Variants in COLEC12 observed in about 807,000 individuals in gnomAD.
The protein encoded by COLEC12 is collectin-12.
Under a neutral mutation model 71.1 loss-of-function variants are expected in COLEC12, and 33 were observed. That is an observed-to-expected ratio of 0.46 (90% CI 0.35 to 0.62). The LOEUF (loss-of-function observed/expected upper bound fraction) is 0.62, where lower values mean the gene tolerates loss of function less well. Ranked by LOEUF, COLEC12 falls within the 20% of genes least tolerant of loss-of-function variation. The pLI, the probability that COLEC12 is intolerant of heterozygous loss-of-function variation, is 0.00. For synonymous variants in COLEC12, 350 were observed against 353.0 expected (o/e 0.99, Z 0.10); for missense variants, 765 against 916.1 (o/e 0.84, Z 2.13).
At chr18:465,812 C>A (rs935771430) in intron 2 of COLEC12, among the ~76,000 whole-genome samples, 19 of 152,316 alleles carry the variant, frequency 1.2e-4, no homozygotes, top group South Asian at 8.3e-4. Flanking sequence ...GTGGCTCACA[C>A]CTGTAATCCC....
At chr18:379,579 T>C (rs1043607265) in intron 2 of COLEC12, among the ~76,000 whole-genome samples, 9 of 152,014 alleles carry the variant, frequency 5.9e-5, no homozygotes, top group African/African-American at 2.2e-4. Flanking sequence ...AAGACCTAAC[T>C]TCAGTGTGAT....
At chr18:421,796 C>T (rs1916103225) in intron 2 of COLEC12, among the ~76,000 whole-genome samples, 3 of 152,178 alleles carry the variant, frequency 2.0e-5, no homozygotes, top group African/African-American at 2.4e-5. Context: ...AGACTCCAAA[C>T]TGCCATTCAA....
chr18:402,699 CGAAAGTT>C (rs1248155130), intron 2 of COLEC12, among the ~76,000 whole-genome samples: 5 of 151,418 alleles, frequency 3.3e-5, no homozygotes, highest in African/African-American at 1.2e-4. Context: ...GCTACTGCTG[CGAAAGTT>C]TGTTCCTTGC....
chr18:357,532 A>C lies in COLEC12; in HGVS notation c.59-10T>G, dbSNP rs1182262593. 1 of 1,517,262 alleles carries C rather than the reference A, an allele frequency of 6.6e-7. No individual in the cohort carries two copies. The highest frequency in any genetic ancestry group is 2.4e-5 in the East Asian group (1 of 42,514). The allele number at this position is 1,517,262 out of a possible 1,614,324, so 94.0% of individuals were successfully genotyped here. ...GTTCCTTCCTGAATACCTGTAAGAG[A>C]AGTCAAATTTTAATAACAGTAAGCA... is the stretch of plus-strand genomic sequence containing the variant. On this transcript the variant is annotated splice_polypyrimidine_tract_variant and intron_variant, in intron 2 of 9. Coordinates refer to ENST00000400256, the MANE Select transcript of COLEC12 (RefSeq NM_130386.3).
intron 2 of COLEC12, among the ~76,000 whole-genome samples, chr18:403,253 C>A (rs909199210): frequency 6.6e-6 from 1 of 152,158 alleles, no homozygotes; most frequent in Non-Finnish European, 1.5e-5. Context: ...AGAGTTCTTA[C>A]CATTGGGTGT....
intron 2 of COLEC12, among the ~76,000 whole-genome samples, chr18:364,801 C>A (rs1914820944): frequency 6.6e-6 from 1 of 152,076 alleles, no homozygotes; most frequent in African/African-American, 2.4e-5. Flanking sequence ...TGATATGGGC[C>A]AGGAACCCTC....
chr18:344,540 A>G (rs911821056), intron 5 of COLEC12, among the ~76,000 whole-genome samples: 12 of 152,230 alleles, frequency 7.9e-5, no homozygotes, highest in African/African-American at 2.9e-4. Flanking sequence ...GGGGCTACTC[A>G]AAGTAAACAT....
intron 2 of COLEC12, among the ~76,000 whole-genome samples, chr18:390,288 C>G (rs1915435126): frequency 6.6e-6 from 1 of 150,394 alleles, no homozygotes; most frequent in Non-Finnish European, 1.5e-5. Flanking sequence ...TGGGCCATAC[C>G]TCTCCTCCTT....
chr18:350,709 T>C (rs555265158), intron 3 of COLEC12, among the ~76,000 whole-genome samples: 3 of 152,088 alleles, frequency 2.0e-5, no homozygotes, highest in African/African-American at 4.8e-5. Context: ...GGGTGGATCA[T>C]TTGAGCTCAG....
intron 8 of COLEC12, among the ~76,000 whole-genome samples, chr18:323,708 A>G (rs530751466): frequency 1.3e-5 from 2 of 152,242 alleles, no homozygotes; most frequent in South Asian, 4.1e-4. Context: ...GTTTGATTCC[A>G]TTTTTGTTTA....
chr18:451,060 G>C (rs1916751089), intron 2 of COLEC12, among the ~76,000 whole-genome samples: 1 of 152,194 alleles, frequency 6.6e-6, no homozygotes, highest in African/African-American at 2.4e-5. Context: ...TGGCTTGGTT[G>C]CTTCTAACAG....
At chr18:449,588 A>G (rs972142761) in intron 2 of COLEC12, among the ~76,000 whole-genome samples, 2 of 152,232 alleles carry the variant, frequency 1.3e-5, no homozygotes, top group Admixed American at 6.5e-5. Context: ...CCACGGAGGT[A>G]CGCCCTCAGT....
At chr18:354,940 TTA>T (rs1340348423) in intron 3 of COLEC12, among the ~76,000 whole-genome samples, 1 of 152,104 alleles carries the variant, frequency 6.6e-6, no homozygotes, top group Non-Finnish European at 1.5e-5. Flanking sequence ...GGCAGGGCTT[TTA>T]GGGGCAGCTA....
intron 2 of COLEC12, among the ~76,000 whole-genome samples, chr18:360,234 G>A (rs573098945): frequency 8.6e-5 from 13 of 151,256 alleles, no homozygotes; most frequent in African/African-American, 2.9e-4. Flanking sequence ...CCAGGCTGGA[G>A]TGCAGTGGCA....
intron 2 of COLEC12, among the ~76,000 whole-genome samples, chr18:360,642 G>C (rs1448432880): frequency 3.3e-5 from 5 of 152,178 alleles, no homozygotes; most frequent in African/African-American, 1.2e-4. Context: ...CGATTCAGTG[G>C]GTCTGAGGGA....
chr18:335,506 G>T (rs1914099548), intron 5 of COLEC12, among the ~76,000 whole-genome samples: 1 of 152,152 alleles, frequency 6.6e-6, no homozygotes, highest in African/African-American at 2.4e-5. Context: ...TTAAAACGAG[G>T]TGACATGAGT....
intron 2 of COLEC12, among the ~76,000 whole-genome samples, chr18:478,957 C>A (rs1482925635): frequency 7.1e-6 from 1 of 140,818 alleles, no homozygotes; most frequent in Non-Finnish European, 1.5e-5. Flanking sequence ...ACCCATCCAA[C>A]TGGTAATATG....
intron 2 of COLEC12, among the ~76,000 whole-genome samples, chr18:377,565 G>A (rs1915140877): frequency 6.6e-6 from 1 of 152,196 alleles, no homozygotes; most frequent in African/African-American, 2.4e-5. Flanking sequence ...GAGACCCACA[G>A]ACAACACAGG....
At position 349,391 on chromosome 18, in the gene COLEC12, C is replaced by T. The variant is rs562835621; in HGVS notation, c.182-1228G>A. ...ATAATTGAGGTTTGGGAACCTCCGC[C>T]TGGATTTCAGAGGATGTATGGGAAC... On this transcript the variant is annotated intron_variant, in intron 3 of 9. Coordinates refer to ENST00000400256, the MANE Select transcript of COLEC12 (RefSeq NM_130386.3). 3.1e-4 allele frequency among the ~76,000 whole-genome samples: 47 copies of T among 152,318 alleles called. No individual in the cohort carries two copies. In the South Asian group the frequency reaches 9.5e-3, roughly 31 times the overall value.
Sources: allele counts gnomAD v4.1 joint callset (sites outside exome capture counted in the v4.1 genomes callset), GRCh38; gene constraint gnomAD v4.1.1; transcripts MANE v1.5; gene names NCBI Gene and HGNC (gene_info 2026-07-23, HGNC 2026-07-21).